Variants in DCP2 observed in about 807,000 individuals in gnomAD.
DCP2 encodes the protein m7GpppN-mRNA hydrolase.
A neutral mutation model predicts 56.1 loss-of-function variants in DCP2; 30 were observed. The observed-to-expected ratio is 0.53, with a 90% CI of 0.40 to 0.73. The LOEUF (loss-of-function observed/expected upper bound fraction) is 0.73, where lower values mean the gene tolerates loss of function less well. DCP2 is among the 30% of genes least tolerant of loss of function. DCP2 has a pLI of 0.00. For missense variants in DCP2, 533 were observed against 502.7 expected (o/e 1.06, Z -0.58); for synonymous variants, 197 against 163.3 (o/e 1.21, Z -1.57).
At chr5:113,001,008 G>A in intron 4 of DCP2, 76 bp from the exon 5 acceptor site, 1 of 1,383,294 alleles carries the variant, frequency 7.2e-7, no homozygotes, top group African/African-American at 1.5e-5. Flanking sequence ...CTGAGTTTTT[G>A]TCTTGGGAAT....
chr5:113,011,268 T>C (rs1351278775), intron 10 of DCP2, among the ~76,000 whole-genome samples: 1 of 152,196 alleles, frequency 6.6e-6, no homozygotes, highest in East Asian at 1.9e-4. Context: ...GGAACATTTT[T>C]CCCTCTTTTG....
chr5:112,986,273 C>G (rs1192873773), intron 2 of DCP2, among the ~76,000 whole-genome samples: 1 of 151,998 alleles, frequency 6.6e-6, no homozygotes, highest in African/African-American at 2.4e-5. Context: ...TTTACTCTTG[C>G]TGCTGCATGT....
rs142324828 is a variant in DCP2 at position 113,021,754 on chromosome 5, T to TAACA, written c.*8271_*8274dup. On this transcript the variant is annotated 3_prime_UTR_variant, in exon 11 of 11. Coordinates refer to ENST00000389063, the MANE Select transcript of DCP2 (RefSeq NM_152624.6). ...ACTTGAGAACATTGTAATCTTTCTC[T>TAACA]AACAGATGTGTTGCAAAGCTGCTTG... is the stretch of plus-strand genomic sequence containing the variant. Among the ~76,000 whole-genome samples the TAACA allele has an allele frequency of 8.1e-3, 1,234 of 152,362 alleles. 12 individuals carry two copies. The highest frequency in any genetic ancestry group is 0.028 in the African/African-American group (1,162 of 41,578).
chr5:112,976,807 G>T lies in DCP2; in HGVS notation c.-127G>T, dbSNP rs747101498. ...CCCGCCCCTTCCCCTTCTCGTCTCC[G>T]TTGGAGTCGTCTCTGCCGCGGCTTC... On this transcript the variant is annotated 5_prime_UTR_variant, in exon 1 of 11. Coordinates refer to ENST00000389063, the MANE Select transcript of DCP2 (RefSeq NM_152624.6). 1.1e-6 allele frequency: 1 copy of T among 942,086 alleles called. No individual in the cohort carries two copies. Among genetic ancestry groups the T allele is most frequent in the Non-Finnish European group, 1.8e-6 (1 of 566,036 alleles). 58.4% of individuals were successfully genotyped at this position (942,086 alleles called of 1,614,324 possible).
In DCP2 at chr5:113,017,652, T is replaced by G. The variant is rs1749942642; in HGVS notation, c.*4168T>G. 6.6e-6 allele frequency: 1 copy of G among 152,160 alleles called. No homozygotes were observed. The highest frequency in any genetic ancestry group is 6.5e-5 in the Admixed American group (1 of 15,274). The allele number at this position is 152,160 out of a possible 1,614,324, so 9.4% of individuals were successfully genotyped here. A position where few individuals can be genotyped will look rare whatever the true frequency, so the allele number is the denominator to read the frequency against. On this transcript the variant is annotated 3_prime_UTR_variant, in exon 11 of 11. Transcript: ENST00000389063. ...GCAGTTTCAAAAAAATATGATAGAT[T>G]ATTGTTATAGAATCAAAGTGTCCTG...
At chr5:113,007,781 A>G (rs772506157) in intron 8 of DCP2, among the ~76,000 whole-genome samples, 157 bp from the exon 9 acceptor site, 2 of 152,258 alleles carry the variant, frequency 1.3e-5, no homozygotes, top group African/African-American at 2.4e-5. Context: ...ACTGACTTCT[A>G]TAAGAAAATA....
At chr5:112,988,494 T>A (rs375172129) in intron 2 of DCP2, among the ~76,000 whole-genome samples, 86 of 82,392 alleles carry the variant, frequency 1.0e-3, no homozygotes, top group Non-Finnish European at 1.1e-3. Context: ...TGTGTCTTAA[T>A]AAAAAAAAAA....
intron 2 of DCP2, among the ~76,000 whole-genome samples, chr5:112,991,624 C>G (rs1748591968): frequency 6.6e-6 from 1 of 152,142 alleles, no homozygotes; most frequent in Admixed American, 6.5e-5. Flanking sequence ...GAATTAAGCA[C>G]TTTATTCTTT....
At chr5:113,012,685 C>T (rs1749726486) in intron 10 of DCP2, among the ~76,000 whole-genome samples, 1 of 151,966 alleles carries the variant, frequency 6.6e-6, no homozygotes, top group Admixed American at 6.6e-5. Context: ...GCTGTGTCAC[C>T]CAGACTGGAG....
At chr5:112,986,025 A>G in intron 2 of DCP2, 39 bp downstream of exon 2, 1 of 1,479,850 alleles carries the variant, frequency 6.8e-7, no homozygotes. Flanking sequence ...CTTTCTTGTT[A>G]GCAATATATT....
intron 1 of DCP2, among the ~76,000 whole-genome samples, chr5:112,977,444 G>C (rs926078094): frequency 2.0e-5 from 3 of 152,146 alleles, no homozygotes; most frequent in Non-Finnish European, 4.4e-5. Context: ...CCAGGTACGC[G>C]GACCTGCGCA....
At chr5:112,998,588 A>G (rs1748973134) in intron 4 of DCP2, among the ~76,000 whole-genome samples, 1 of 152,254 alleles carries the variant, frequency 6.6e-6, no homozygotes, top group Non-Finnish European at 1.5e-5. Flanking sequence ...CAAAGTACAT[A>G]GTTGAGTGAA....
At chr5:113,012,080 G>C (rs563703937) in intron 10 of DCP2, among the ~76,000 whole-genome samples, 1 of 152,122 alleles carries the variant, frequency 6.6e-6, no homozygotes, top group South Asian at 2.1e-4. Context: ...GTGAAATCTA[G>C]TTAACATATA....
At position 113,003,968 on chromosome 5, in the gene DCP2, A is replaced by G; in HGVS notation, c.833A>G (p.Gln278Arg). 1 of 1,614,170 alleles carries G rather than the reference A, an allele frequency of 6.2e-7. No homozygotes were observed. The highest frequency in any genetic ancestry group is 8.5e-7 in the Non-Finnish European group (1 of 1,180,012). Reference protein sequence around the residue: ...LSRTKFRHSQQLFPDGSPGDQ... With the variant: ...LSRTKFRHSQRLFPDGSPGDQ... ...CGAACCAAATTCCGCCACAGTCAGC[A>G]GTTATTTCCTGACGGTTCTCCTGGT... Residue 278 changes from glutamine to arginine, a missense_variant, in exon 8 of 11, where the codon CAG becomes CGG. Coordinates refer to ENST00000389063, the MANE Select transcript of DCP2 (RefSeq NM_152624.6).
intron 2 of DCP2, 134 bp from the exon 3 acceptor site, chr5:112,991,987 A>G: frequency 7.5e-7 from 1 of 1,340,274 alleles, no homozygotes. Context: ...CCTGGCCAAA[A>G]TGCTACACTT....
rs987818306 is a variant in DCP2 at position 113,017,509 on chromosome 5, T to G, written c.*4025T>G. On this transcript the variant is annotated 3_prime_UTR_variant, in exon 11 of 11. Coordinates refer to ENST00000389063, the MANE Select transcript of DCP2 (RefSeq NM_152624.6). ...TGAGATGGTGGGCTTTCTCAGCATC[T>G]TTTTGCTTCCTAGAATTGAGTTGCT... 6.6e-6 allele frequency: 1 copy of G among 152,188 alleles called. No individual in the cohort carries two copies. Among genetic ancestry groups the G allele is most frequent in the Non-Finnish European group, 1.5e-5 (1 of 68,026 alleles). The allele number at this position is 152,188 out of a possible 1,614,324, so 9.4% of individuals were successfully genotyped here. A position where few individuals can be genotyped will look rare whatever the true frequency, so the allele number is the denominator to read the frequency against.
chr5:113,007,236 A>G (rs926255616), intron 8 of DCP2, among the ~76,000 whole-genome samples: 3 of 152,056 alleles, frequency 2.0e-5, no homozygotes, highest in Middle Eastern at 3.2e-3. Flanking sequence ...TAGGGTAACA[A>G]TTGATTACTA....
At chr5:112,985,577 A>T (rs1372420898) in intron 1 of DCP2, among the ~76,000 whole-genome samples, 1 of 152,162 alleles carries the variant, frequency 6.6e-6, no homozygotes, top group African/African-American at 2.4e-5. Flanking sequence ...GTGAGCTCTT[A>T]AGCTGATCTC....
intron 4 of DCP2, among the ~76,000 whole-genome samples, chr5:112,997,043 C>G (rs748334507): frequency 6.6e-6 from 1 of 152,204 alleles, no homozygotes; most frequent in Non-Finnish European, 1.5e-5. Context: ...AAGGTTAAAG[C>G]AGAGGGGACT....
Sources: allele counts gnomAD v4.1 joint callset (sites outside exome capture counted in the v4.1 genomes callset), GRCh38; gene constraint gnomAD v4.1.1; transcripts MANE v1.5; gene names NCBI Gene and HGNC (gene_info 2026-07-23, HGNC 2026-07-21).